CCDC201: variants seen among roughly 807,000 people sequenced by gnomAD.
CCDC201 encodes coiled-coil domain-containing protein 201.
the CCDC201 span, among the ~76,000 whole-genome samples, chr7:45,881,890 T>C: frequency 6.6e-6 from 1 of 152,104 alleles, no homozygotes; most frequent in South Asian, 2.1e-4. Context: ...ACTTTTCCAC[T>C]TTGATTAGTG....
chr7:45,873,288 A>G (rs978018074), upstream of CCDC201, among the ~76,000 whole-genome samples: 1 of 8,618 alleles, frequency 1.2e-4, no homozygotes, highest in Non-Finnish European at 2.0e-4. Context: ...CCCACCCCCC[A>G]GCAACAAGCC....
the CCDC201 span, among the ~76,000 whole-genome samples, chr7:45,882,872 A>C: frequency 6.6e-6 from 1 of 152,122 alleles, no homozygotes; most frequent in Non-Finnish European, 1.5e-5. Flanking sequence ...CTTACCCCAA[A>C]CAACTGTTCA....
upstream of CCDC201, among the ~76,000 whole-genome samples, chr7:45,876,928 T>A (rs1786815330): frequency 6.6e-6 from 1 of 152,196 alleles, no homozygotes; most frequent in Non-Finnish European, 1.5e-5. Context: ...GCGATCGAAG[T>A]CCAAGCTGCC....
upstream of CCDC201, among the ~76,000 whole-genome samples, chr7:45,876,620 A>G (rs1177853909): frequency 6.6e-6 from 1 of 152,236 alleles, no homozygotes; most frequent in Non-Finnish European, 1.5e-5. Context: ...CTCCTGGCAC[A>G]TAGGTACACT....
chr7:45,864,615 G>A (rs989371932), intron 2 of CCDC201, among the ~76,000 whole-genome samples: 5 of 152,106 alleles, frequency 3.3e-5, no homozygotes, highest in African/African-American at 9.7e-5. Flanking sequence ...CACAGCCACA[G>A]GACAGCAGGG....
exon 3 of CCDC201, chr7:45,861,487 G>A (rs1247487931): frequency 1.3e-5 from 2 of 152,188 alleles, no homozygotes; most frequent in African/African-American, 4.8e-5. Flanking sequence ...GAAATATGAA[G>A]TTACTGTCTA....
the CCDC201 span, among the ~76,000 whole-genome samples, chr7:45,883,955 ATCTT>A: frequency 0.15 from 22,236 of 151,330 alleles, 1,900 homozygotes; most frequent in East Asian, 0.26. Context: ...TCCAGAACCG[ATCTT>A]TCTTTCTTTT....
chr7:45,862,232 T>C (rs1432757608), exon 3 of CCDC201: 1 of 152,322 alleles, frequency 6.6e-6, no homozygotes. Context: ...ATCACGGTTT[T>C]GGGGCTTTCC....
intron 2 of CCDC201, among the ~76,000 whole-genome samples, chr7:45,864,385 C>G (rs1786640006): frequency 6.6e-6 from 1 of 152,226 alleles, no homozygotes; most frequent in Non-Finnish European, 1.5e-5. Flanking sequence ...ACCTTCAGCT[C>G]CCAGAATACC....
At chr7:45,879,251 A>G in the CCDC201 span, among the ~76,000 whole-genome samples, 1 of 152,226 alleles carries the variant, frequency 6.6e-6, no homozygotes, top group East Asian at 1.9e-4. Context: ...ACTTTCCCTC[A>G]TCTTCTGTTT....
chr7:45,881,347 C>T, the CCDC201 span, among the ~76,000 whole-genome samples: 2 of 152,318 alleles, frequency 1.3e-5, no homozygotes, highest in East Asian at 1.9e-4. Context: ...ACCCTAATCT[C>T]TCACTTCTTA....
chr7:45,882,515 C>T, the CCDC201 span, among the ~76,000 whole-genome samples: 1,208 of 152,316 alleles, frequency 7.9e-3, 19 homozygotes, highest in Admixed American at 0.032. Flanking sequence ...TCATGACCTC[C>T]CCTTCAAGGG....
chr7:45,874,164 G>T (rs143703605), upstream of CCDC201, among the ~76,000 whole-genome samples: 920 of 152,030 alleles, frequency 6.1e-3, 7 homozygotes, highest in African/African-American at 0.021. Flanking sequence ...CTGCCCGCCT[G>T]GCCTCCCAAA....
chr7:45,863,922 G>A (rs1162784572), intron 2 of CCDC201, among the ~76,000 whole-genome samples: 1 of 152,184 alleles, frequency 6.6e-6, no homozygotes, highest in Non-Finnish European at 1.5e-5. Context: ...GCCACCGGGA[G>A]GCGTCCTGGA....
chr7:45,877,302 ATGT>A (rs1562792023), upstream of CCDC201, among the ~76,000 whole-genome samples: 1 of 152,168 alleles, frequency 6.6e-6, no homozygotes. Flanking sequence ...AACAGATAAC[ATGT>A]TGTTTTCTAC....
At chr7:45,881,721 C>T in the CCDC201 span, among the ~76,000 whole-genome samples, 25 of 152,296 alleles carry the variant, frequency 1.6e-4, no homozygotes, top group East Asian at 4.6e-3. Flanking sequence ...ACCCACTGCA[C>T]CCTGAATGCA....
the CCDC201 span, among the ~76,000 whole-genome samples, chr7:45,879,953 G>T: frequency 1.3e-5 from 2 of 152,162 alleles, no homozygotes; most frequent in East Asian, 3.9e-4. Context: ...AGGCATGGTG[G>T]TGGGTGCCTG....
At chr7:45,862,239 T>A (rs1403861364) in exon 3 of CCDC201, 1 of 152,314 alleles carries the variant, frequency 6.6e-6, no homozygotes, top group East Asian at 1.9e-4. Context: ...TTTTGGGGCT[T>A]TCCTAGAGTG....
In CCDC201 at chr7:45,867,815, A is replaced by C. The variant is rs180872749; in HGVS notation, c.19-1321T>G. On this transcript the variant is annotated intron_variant, in intron 1 of 2. Transcript: ENST00000636578. The stretch of plus-strand genomic sequence containing the variant: ...GCTAAATTATTGTATGCATTTGTAC[A>C]CAGAGAGGATTATCTGGTAGTTAAT... 3.3e-5 allele frequency among the ~76,000 whole-genome samples: 5 copies of C among 152,334 alleles called. No homozygotes were observed. In the East Asian group the frequency reaches 9.6e-4, roughly 29 times the overall value.
Sources: allele counts gnomAD v4.1 joint callset (sites outside exome capture counted in the v4.1 genomes callset), GRCh38; gene constraint gnomAD v4.1.1; transcripts MANE v1.5; gene names NCBI Gene and HGNC (gene_info 2026-07-23, HGNC 2026-07-21).